ULK4: variants seen among roughly 807,000 people sequenced by gnomAD.
ULK4 encodes inactive serine/threonine-protein kinase ULK4.
In ULK4, 133 loss-of-function variants were observed where a neutral mutation model predicts 160.6. The ratio of observed to expected loss-of-function variants is 0.83; its 90% CI spans 0.72 to 0.96. The LOEUF (loss-of-function observed/expected upper bound fraction) is 0.96, where lower values mean the gene tolerates loss of function less well. Among genes scored for constraint, ULK4 ranks in the 40% least tolerant of loss-of-function variants. The pLI is 0.00. For missense variants in ULK4, 1,580 were observed against 1,499.5 expected, an observed-to-expected ratio of 1.05 and a Z score of -0.89; for synonymous variants, 534 against 539.8, an observed-to-expected ratio of 0.99 and a Z score of 0.15.
At chr3:41,696,314 G>T (rs1465715411) in intron 27 of ULK4, among the ~76,000 whole-genome samples, 1 of 152,152 alleles carries the variant, frequency 6.6e-6, no homozygotes, top group African/African-American at 2.4e-5. Flanking sequence ...CAAAATTAGT[G>T]AAAGTACTAA....
intron 32 of ULK4, among the ~76,000 whole-genome samples, chr3:41,489,924 T>C (rs2084687150): frequency 6.6e-6 from 1 of 152,194 alleles, no homozygotes; most frequent in African/African-American, 2.4e-5. Context: ...TTTATTTATT[T>C]ACCTGATTCA....
intron 32 of ULK4, among the ~76,000 whole-genome samples, chr3:41,497,667 G>T (rs1489384278): frequency 2.0e-5 from 3 of 152,024 alleles, no homozygotes; most frequent in African/African-American, 7.2e-5. Flanking sequence ...TGATATAAGG[G>T]TCATCAAGAA....
At chr3:41,823,047 CAAAG>C (rs2041201703) in intron 18 of ULK4, among the ~76,000 whole-genome samples, 1 of 151,132 alleles carries the variant, frequency 6.6e-6, no homozygotes, top group South Asian at 2.1e-4. Flanking sequence ...AAGAAGTAAA[CAAAG>C]TAAGTCAGTC....
At chr3:41,717,092 T>G (rs994971710) in intron 23 of ULK4, among the ~76,000 whole-genome samples, 1 of 152,078 alleles carries the variant, frequency 6.6e-6, no homozygotes, top group Non-Finnish European at 1.5e-5. Context: ...TCAAAGGGTA[T>G]GAACATACAG....
At chr3:41,530,086 T>C (rs1484281816) in intron 32 of ULK4, among the ~76,000 whole-genome samples, 1 of 152,188 alleles carries the variant, frequency 6.6e-6, no homozygotes, top group Non-Finnish European at 1.5e-5. Flanking sequence ...CTAAAAAATA[T>C]ACTGAATTAT....
intron 27 of ULK4, 118 bp from the exon 28 acceptor site, chr3:41,681,922 G>T: frequency 9.7e-7 from 1 of 1,027,364 alleles, no homozygotes; most frequent in African/African-American, 1.6e-5. Flanking sequence ...AAAAGCAACG[G>T]CTAAGTTTAT....
chr3:41,708,508 C>A (rs1182819465), intron 25 of ULK4, among the ~76,000 whole-genome samples: 1 of 151,966 alleles, frequency 6.6e-6, no homozygotes, highest in African/African-American at 2.4e-5. Flanking sequence ...ATGGCAGTTA[C>A]CAGGGACTGG....
chr3:41,296,325 A>C (rs2079666741), intron 35 of ULK4, among the ~76,000 whole-genome samples: 1 of 152,224 alleles, frequency 6.6e-6, no homozygotes, highest in South Asian at 2.1e-4. Context: ...AAAGAAAAGA[A>C]AAAGGGCTCC....
intron 35 of ULK4, among the ~76,000 whole-genome samples, chr3:41,250,031 C>G (rs1348758580): frequency 6.6e-6 from 1 of 152,186 alleles, no homozygotes; most frequent in Non-Finnish European, 1.5e-5. Flanking sequence ...GCCTGGGGAC[C>G]TGGGAGAGAG....
chr3:41,272,219 A>C (rs1174569442), intron 35 of ULK4, among the ~76,000 whole-genome samples: 3 of 152,096 alleles, frequency 2.0e-5, no homozygotes, highest in Non-Finnish European at 4.4e-5. Flanking sequence ...GCCTGGCCCC[A>C]GATTTTAATT....
At chr3:41,641,194 C>T (rs2034174714) in intron 30 of ULK4, among the ~76,000 whole-genome samples, 1 of 152,194 alleles carries the variant, frequency 6.6e-6, no homozygotes. Context: ...GAAATCTTCT[C>T]TGGGCAAATC....
At chr3:41,482,934 T>C (rs1482172639) in intron 32 of ULK4, among the ~76,000 whole-genome samples, 1 of 152,222 alleles carries the variant, frequency 6.6e-6, no homozygotes, top group East Asian at 1.9e-4. Flanking sequence ...GATATTTTGG[T>C]GCAGGCATCT....
At chr3:41,442,662 T>G (rs1057002625) in intron 34 of ULK4, among the ~76,000 whole-genome samples, 1 of 151,616 alleles carries the variant, frequency 6.6e-6, no homozygotes, top group African/African-American at 2.4e-5. Flanking sequence ...GGTGTCACCA[T>G]AGCTCACTGT....
At chr3:41,733,093 CCAG>C (rs776038922) in intron 22 of ULK4, among the ~76,000 whole-genome samples, 4 of 151,914 alleles carry the variant, frequency 2.6e-5, no homozygotes, top group Admixed American at 6.6e-5. Context: ...CTCAAAATAA[CCAG>C]AAGAGAGGAT....
At chr3:41,802,765 A>C (rs1173982388) in intron 19 of ULK4, among the ~76,000 whole-genome samples, 2 of 152,220 alleles carry the variant, frequency 1.3e-5, no homozygotes, top group Non-Finnish European at 2.9e-5. Flanking sequence ...CATAAAAATA[A>C]GGTTCTGATA....
chr3:41,523,839 C>T (rs1308517509), intron 32 of ULK4, among the ~76,000 whole-genome samples: 1 of 152,080 alleles, frequency 6.6e-6, no homozygotes, highest in East Asian at 1.9e-4. Context: ...AATGTTTATA[C>T]AGCATTATTC....
At chr3:41,623,906 ACATAT>A (rs1207169895) in intron 30 of ULK4, among the ~76,000 whole-genome samples, 1 of 152,214 alleles carries the variant, frequency 6.6e-6, no homozygotes, top group Non-Finnish European at 1.5e-5. Flanking sequence ...CAAAGTATAC[ACATAT>A]CATAACATTA....
chr3:41,646,488 A>C lies in ULK4; in HGVS notation c.3071+17119T>G, dbSNP rs576216696. Among the ~76,000 whole-genome samples the C allele has an allele frequency of 5.8e-4, 89 of 152,294 alleles. No individual in the cohort carries two copies. The East Asian group carries it at 7.7e-3, about 13-fold the overall frequency. On this transcript the variant is annotated intron_variant, in intron 30 of 36. Coordinates refer to ENST00000301831, the MANE Select transcript of ULK4 (RefSeq NM_017886.4). Reference sequence around the variant, plus strand: ...GCTGGATATGAGATTCTGGGTTGAAAATTCTTTTCTTTAAGAATGTTGAAT... The same window carrying C: ...GCTGGATATGAGATTCTGGGTTGAACATTCTTTTCTTTAAGAATGTTGAAT...
intron 32 of ULK4, among the ~76,000 whole-genome samples, chr3:41,520,550 C>T (rs1453762263): frequency 6.6e-6 from 1 of 151,974 alleles, no homozygotes; most frequent in Non-Finnish European, 1.5e-5. Flanking sequence ...TGTTTGAGTC[C>T]CTGTTTTTAA....
Sources: gnomAD v4.1 joint callset for allele counts (sites outside exome capture counted in the v4.1 genomes callset) on GRCh38, gnomAD v4.1.1 for gene constraint, MANE v1.5 for transcripts, NCBI Gene and HGNC (gene_info 2026-07-23, HGNC 2026-07-21) for gene names.